GRM7: variants seen among roughly 807,000 people sequenced by gnomAD.
GRM7 encodes glutamate metabotropic receptor 7.
In GRM7, 35 loss-of-function variants were observed where a neutral mutation model predicts 84.5. The observed-to-expected ratio is 0.41, with a 90% CI of 0.32 to 0.55. The LOEUF is 0.55. Ranked by LOEUF, GRM7 falls within the 20% of genes least tolerant of loss-of-function variation. The pLI, the probability that GRM7 is intolerant of heterozygous loss-of-function variation, is 0.19. For synonymous variants in GRM7, 487 were observed against 455.1 expected, an observed-to-expected ratio of 1.07 and a Z score of -0.89; for missense variants, 1,003 against 1,194.6, an observed-to-expected ratio of 0.84 and a Z score of 2.36.
rs185432634 is a variant in GRM7 at position 7,430,231 on chromosome 3, G to T, written c.1174+15068G>T. ...TATAGAATCTTTTTTGAATAAATAA[G>T]TAGATTTTGGCCATATTCCTGTGGC... On this transcript the variant is annotated intron_variant, in intron 5 of 9. Coordinates refer to ENST00000357716, the MANE Select transcript of GRM7 (RefSeq NM_000844.4). Among the ~76,000 whole-genome samples the T allele has an allele frequency of 3.4e-4, 52 of 152,310 alleles. 2 individuals are homozygous for T. In the East Asian group the frequency reaches 8.3e-3, roughly 24 times the overall value.
intron 1 of GRM7, among the ~76,000 whole-genome samples, chr3:6,975,321 T>G (rs1306046161): frequency 1.3e-5 from 2 of 152,184 alleles, no homozygotes; most frequent in African/African-American, 4.8e-5. Flanking sequence ...ACAAAGTAAC[T>G]GCTCTGATTA....
intron 4 of GRM7, among the ~76,000 whole-genome samples, chr3:7,397,572 C>T (rs187522454): frequency 1.3e-5 from 2 of 152,056 alleles, no homozygotes; most frequent in Admixed American, 1.3e-4. Context: ...TTTTAATATG[C>T]ACCAAAAATG....
intron 7 of GRM7, among the ~76,000 whole-genome samples, chr3:7,485,200 G>GA (rs1699275230): frequency 6.6e-6 from 1 of 152,196 alleles, no homozygotes; most frequent in Non-Finnish European, 1.5e-5. Context: ...TTAATCTCCA[G>GA]AAAATGAGAG....
At chr3:7,510,123 T>A (rs915445755) in intron 7 of GRM7, among the ~76,000 whole-genome samples, 1 of 152,194 alleles carries the variant, frequency 6.6e-6, no homozygotes, top group African/African-American at 2.4e-5. Flanking sequence ...ACCCCCACTT[T>A]GATAGTCCCT....
intron 1 of GRM7, among the ~76,000 whole-genome samples, chr3:7,137,706 G>A (rs1467296406): frequency 6.6e-6 from 1 of 150,628 alleles, no homozygotes; most frequent in Non-Finnish European, 1.5e-5. Context: ...AAGCAGAGAG[G>A]ATTATGGACA....
Position 7,146,687 on chromosome 3 carries a change from G to T in GRM7, c.736+19G>T. ...GAGGCAGGTAGGATGAGATTGCTCTGATCAAGCTGGCTCTCTTCAAACGTC... is the reference window on the plus strand; with the variant it reads ...GAGGCAGGTAGGATGAGATTGCTCTTATCAAGCTGGCTCTCTTCAAACGTC... On this transcript the variant is annotated intron_variant, in intron 2 of 9. Transcript: ENST00000357716. 2 of 1,564,584 alleles carry T rather than the reference G, an allele frequency of 1.3e-6. No homozygotes were observed. The highest frequency in any genetic ancestry group is 2.2e-5 in the South Asian group (2 of 90,182).
At chr3:7,262,793 G>A (rs1376150670) in intron 2 of GRM7, among the ~76,000 whole-genome samples, 4 of 152,304 alleles carry the variant, frequency 2.6e-5, no homozygotes, top group Admixed American at 2.6e-4. Flanking sequence ...CACCTCCTGG[G>A]TTCAAGCAAT....
At chr3:7,365,672 C>T (rs368639860) in intron 4 of GRM7, among the ~76,000 whole-genome samples, 11,162 of 139,552 alleles carry the variant, frequency 0.08, 468 homozygotes, top group Non-Finnish European at 0.091. Context: ...TATACACACA[C>T]GCACACACAC....
In GRM7 at chr3:7,582,037, A is replaced by T. The variant is rs574437188; in HGVS notation, c.2451+2680A>T. ...ACTTTAACCACAAGAGAATGATTCTAGCTTCAGGAATTATATTTAGGTGGC... is the reference window on the plus strand; with the variant it reads ...ACTTTAACCACAAGAGAATGATTCTTGCTTCAGGAATTATATTTAGGTGGC... On this transcript the variant is annotated intron_variant, in intron 8 of 9. Transcript: ENST00000357716. Among the ~76,000 whole-genome samples, 6 of 152,330 alleles carry T rather than the reference A, an allele frequency of 3.9e-5. No individual in the cohort carries two copies. In the South Asian group the frequency reaches 1.0e-3, roughly 26 times the overall value.
intron 1 of GRM7, among the ~76,000 whole-genome samples, chr3:7,096,776 T>C (rs534286021): frequency 2.0e-5 from 3 of 152,248 alleles, no homozygotes; most frequent in Non-Finnish European, 4.4e-5. Context: ...CAGAAGTTAC[T>C]TCATTAAGAT....
chr3:7,165,977 GA>G (rs1410307174), intron 2 of GRM7, among the ~76,000 whole-genome samples: 1 of 152,100 alleles, frequency 6.6e-6, no homozygotes, highest in African/African-American at 2.4e-5. Context: ...ATGTTAAAGA[GA>G]AAAACTTGAC....
At chr3:7,053,951 T>G (rs1233946864) in intron 1 of GRM7, among the ~76,000 whole-genome samples, 1 of 151,248 alleles carries the variant, frequency 6.6e-6, no homozygotes, top group Admixed American at 6.6e-5. Context: ...ATACAAACTC[T>G]TACTGTGACA....
chr3:7,148,425 T>A (rs1694176005), intron 2 of GRM7, among the ~76,000 whole-genome samples: 2 of 152,180 alleles, frequency 1.3e-5, no homozygotes, highest in South Asian at 4.1e-4. Flanking sequence ...CACTGAACTT[T>A]AAACTGGATG....
At position 7,486,387 on chromosome 3, in the gene GRM7, T is replaced by C. The variant is rs1699322619; in HGVS notation, c.1515+24665T>C. ...GTCCTCAGCAAAACTGAGGACAAGT[T>C]TTGCTGTTGAGGCTTGGTCTCCAAT... is the stretch of plus-strand genomic sequence containing the variant. On this transcript the variant is annotated intron_variant, in intron 7 of 9. Coordinates refer to ENST00000357716, the MANE Select transcript of GRM7 (RefSeq NM_000844.4). This position sits in a 1 kb window ranked among gnomAD's most constrained non-coding sequence, Gnocchi z 5.5. 6.6e-6 allele frequency among the ~76,000 whole-genome samples: 1 copy of C among 152,082 alleles called. No homozygotes were observed. The highest frequency in any genetic ancestry group is 1.5e-5 in the Non-Finnish European group (1 of 68,022).
intron 7 of GRM7, among the ~76,000 whole-genome samples, chr3:7,489,568 G>A (rs1699447472): frequency 3.3e-5 from 5 of 152,140 alleles, no homozygotes. Flanking sequence ...TGGTGCTTCA[G>A]GTGACTACGT....
chr3:6,954,400 A>G (rs1692932616), intron 1 of GRM7, among the ~76,000 whole-genome samples: 1 of 152,208 alleles, frequency 6.6e-6, no homozygotes, highest in Admixed American at 6.5e-5. Context: ...CTGCAATGAA[A>G]GCATAATAAG....
At chr3:7,285,752 A>G (rs912414545) in intron 2 of GRM7, among the ~76,000 whole-genome samples, 1 of 151,780 alleles carries the variant, frequency 6.6e-6, no homozygotes, top group Non-Finnish European at 1.5e-5. Flanking sequence ...GTAACCTCTA[A>G]CCTTGATCTG....
chr3:7,265,816 C>A (rs929502781), intron 2 of GRM7, among the ~76,000 whole-genome samples: 1 of 152,162 alleles, frequency 6.6e-6, no homozygotes, highest in Admixed American at 6.5e-5. Flanking sequence ...TAGCCTCAAC[C>A]CTCTTCTTTT....
intron 7 of GRM7, among the ~76,000 whole-genome samples, chr3:7,513,324 C>T (rs1216022525): frequency 6.6e-6 from 1 of 152,074 alleles, no homozygotes; most frequent in Non-Finnish European, 1.5e-5. Flanking sequence ...GATTAATGTC[C>T]TCATTATTTA....
Sources: gnomAD v4.1 joint callset for allele counts (sites outside exome capture counted in the v4.1 genomes callset) on GRCh38, gnomAD v4.1.1 for gene constraint, Gnocchi (gnomAD v3.1) non-coding constraint, MANE v1.5 for transcripts, NCBI Gene and HGNC (gene_info 2026-07-23, HGNC 2026-07-21) for gene names.